Variants in SPON1 observed in about 807,000 individuals in gnomAD.
The protein encoded by SPON1 is spondin 1.
A neutral mutation model predicts 111.7 loss-of-function variants in SPON1; 52 were observed. The ratio of observed to expected loss-of-function variants is 0.47; its 90% CI spans 0.37 to 0.59. The LOEUF (loss-of-function observed/expected upper bound fraction) is 0.59, where lower values mean the gene tolerates loss of function less well. Among genes scored for constraint, SPON1 ranks in the 20% least tolerant of loss-of-function variants. The pLI, the probability that SPON1 is intolerant of heterozygous loss-of-function variation, is 0.00. For missense variants in SPON1, 957 were observed against 1,068.5 expected (o/e 0.90, Z 1.46); for synonymous variants, 410 against 395.8 (o/e 1.04, Z -0.43).
At chr11:14,184,728 T>G (rs1446515309) in intron 6 of SPON1, among the ~76,000 whole-genome samples, 1 of 152,224 alleles carries the variant, frequency 6.6e-6, no homozygotes, top group Non-Finnish European at 1.5e-5. Context: ...TCTGGGCTGC[T>G]GGCCCTTCCC....
chr11:13,992,034 G>C (rs1178648048), intron 2 of SPON1, among the ~76,000 whole-genome samples: 1 of 152,162 alleles, frequency 6.6e-6, no homozygotes, highest in Non-Finnish European at 1.5e-5. Context: ...GAATACACGG[G>C]GGTCAGGGAC....
intron 6 of SPON1, among the ~76,000 whole-genome samples, chr11:14,136,297 A>T (rs1309161351): frequency 6.6e-6 from 1 of 152,296 alleles, no homozygotes; most frequent in African/African-American, 2.4e-5. Flanking sequence ...TACCCACAAA[A>T]GCCTGTCCAG....
chr11:14,249,688 A>C (rs1435525636), intron 7 of SPON1, among the ~76,000 whole-genome samples: 1 of 152,236 alleles, frequency 6.6e-6, no homozygotes, highest in Non-Finnish European at 1.5e-5. Flanking sequence ...CTCTAGAAGC[A>C]GTATCAAAAT....
chr11:14,085,061 T>G (rs1209352856), intron 5 of SPON1, among the ~76,000 whole-genome samples: 2 of 152,208 alleles, frequency 1.3e-5, no homozygotes, highest in Admixed American at 6.5e-5. Flanking sequence ...GTCAGATGGA[T>G]AGATTGCAAA....
intron 3 of SPON1, among the ~76,000 whole-genome samples, chr11:14,053,378 A>G (rs1848721799): frequency 6.6e-6 from 1 of 152,148 alleles, no homozygotes; most frequent in African/African-American, 2.4e-5. Flanking sequence ...TTGATATTTC[A>G]TATAAATGGA....
chr11:14,066,479 C>G (rs1359405428), intron 3 of SPON1, among the ~76,000 whole-genome samples: 1 of 152,094 alleles, frequency 6.6e-6, no homozygotes, highest in Non-Finnish European at 1.5e-5. Flanking sequence ...CCTGTCAGAG[C>G]TTCCACAACC....
intron 2 of SPON1, among the ~76,000 whole-genome samples, chr11:13,998,301 T>C (rs1031204920): frequency 2.0e-5 from 3 of 152,188 alleles, no homozygotes; most frequent in Admixed American, 6.5e-5. Flanking sequence ...TCTGCATCTC[T>C]TACAGCTCTG....
At chr11:14,244,637 A>T (rs1383492567) in intron 7 of SPON1, among the ~76,000 whole-genome samples, 1 of 151,600 alleles carries the variant, frequency 6.6e-6, no homozygotes, top group Non-Finnish European at 1.5e-5. Context: ...AGTCCCACCT[A>T]CTCAGGAGGC....
intron 2 of SPON1, among the ~76,000 whole-genome samples, chr11:13,994,718 A>C (rs1332280291): frequency 6.6e-6 from 1 of 152,210 alleles, no homozygotes; most frequent in Non-Finnish European, 1.5e-5. Context: ...ACAAACAACA[A>C]TAACAAGAAA....
intron 7 of SPON1, among the ~76,000 whole-genome samples, chr11:14,248,646 G>A (rs1232784878): frequency 2.0e-5 from 3 of 152,104 alleles, no homozygotes; most frequent in Non-Finnish European, 4.4e-5. Context: ...AAGCCTACAT[G>A]CAGCCAAGTT....
intron 6 of SPON1, among the ~76,000 whole-genome samples, chr11:14,241,247 G>A (rs1554939661): frequency 1.3e-5 from 2 of 152,152 alleles, no homozygotes; most frequent in African/African-American, 4.8e-5. Flanking sequence ...TTTCCACAAT[G>A]TGTGTATTAT....
chr11:14,249,144 T>C (rs1554940474), intron 7 of SPON1, among the ~76,000 whole-genome samples: 1 of 152,206 alleles, frequency 6.6e-6, no homozygotes, highest in Admixed American at 6.5e-5. Context: ...CCTTAAATTA[T>C]TCCCAGCCAC....
At chr11:14,009,333 C>T (rs1554913497) in intron 2 of SPON1, among the ~76,000 whole-genome samples, 1 of 152,200 alleles carries the variant, frequency 6.6e-6, no homozygotes. Context: ...GAGCTCTAGA[C>T]ACATTGGTCT....
intron 6 of SPON1, among the ~76,000 whole-genome samples, chr11:14,147,713 G>A (rs1847738891): frequency 6.6e-6 from 1 of 150,666 alleles, no homozygotes; most frequent in Non-Finnish European, 1.5e-5. Flanking sequence ...CACCACGGCT[G>A]GCCCAAAACA....
At chr11:14,194,578 C>A (rs538971331) in intron 6 of SPON1, among the ~76,000 whole-genome samples, 1 of 146,026 alleles carries the variant, frequency 6.8e-6, no homozygotes, top group Non-Finnish European at 1.5e-5. Context: ...GGACTGCCTG[C>A]GTGGCTGGTA....
intron 6 of SPON1, among the ~76,000 whole-genome samples, chr11:14,151,076 C>T (rs574942718): frequency 1.3e-5 from 2 of 152,324 alleles, no homozygotes; most frequent in African/African-American, 2.4e-5. Context: ...TCCGTGCCAC[C>T]GTTGCATCTG....
rs186898464 is a variant in SPON1 at position 14,132,852 on chromosome 11, T to G, written c.677-2568T>G. Among the ~76,000 whole-genome samples the G allele has an allele frequency of 2.0e-5, 3 of 152,370 alleles. No homozygotes were observed. In the East Asian group the frequency reaches 5.8e-4, roughly 29 times the overall value. On this transcript the variant is annotated intron_variant, in intron 5 of 15. Transcript: ENST00000576479. ...AAAGGAAGAAACTATAATTATTGACTGTCTATTGTGTGCCAGTAGTGATTT... is the reference window on the plus strand; with the variant it reads ...AAAGGAAGAAACTATAATTATTGACGGTCTATTGTGTGCCAGTAGTGATTT...
intron 6 of SPON1, among the ~76,000 whole-genome samples, chr11:14,141,749 A>G (rs1847659209): frequency 1.3e-5 from 2 of 152,320 alleles, no homozygotes; most frequent in South Asian, 2.1e-4. Context: ...ACATATGTCT[A>G]CTAAACTATT....
At chr11:14,238,534 C>T (rs1168134228) in intron 6 of SPON1, among the ~76,000 whole-genome samples, 1 of 152,088 alleles carries the variant, frequency 6.6e-6, no homozygotes, top group African/African-American at 2.4e-5. Context: ...AGACACCAGC[C>T]CCGACCCTAG....
Sources: gnomAD v4.1 joint callset for allele counts (sites outside exome capture counted in the v4.1 genomes callset) on GRCh38, gnomAD v4.1.1 for gene constraint, MANE v1.5 for transcripts, NCBI Gene and HGNC (gene_info 2026-07-23, HGNC 2026-07-21) for gene names.